The following GRIN2B variants were observed in gnomAD, a reference collection of about 807,000 sequenced individuals.
The protein encoded by GRIN2B is glutamate receptor ionotropic, NMDA 2B.
Under a neutral mutation model 114.5 loss-of-function variants are expected in GRIN2B, and 5 were observed. The ratio of observed to expected loss-of-function variants is 0.04; its 90% confidence interval spans 0.02 to 0.09. The LOEUF is 0.09. Among genes scored for constraint, GRIN2B ranks in the 10% least tolerant of loss-of-function variants. The pLI is 1.00. For synonymous variants in GRIN2B, 787 were observed against 745.1 expected (o/e 1.06, Z -0.92); for missense variants, 1,108 against 1,943.5 (o/e 0.57, Z 8.08).
intron 3 of GRIN2B, among the ~76,000 whole-genome samples, chr12:13,852,712 A>C (rs1865590739): frequency 6.6e-6 from 1 of 150,686 alleles, no homozygotes. Context: ...AAAAAAAAAC[A>C]GATCACAGAA....
chr12:13,579,837 G>T (rs1330311324), intron 10 of GRIN2B, among the ~76,000 whole-genome samples: 1 of 152,204 alleles, frequency 6.6e-6, no homozygotes, highest in Admixed American at 6.5e-5. Flanking sequence ...GACCACAGAG[G>T]TGCACGCCAT....
chr12:13,714,850 T>C (rs1950442047), intron 4 of GRIN2B, among the ~76,000 whole-genome samples: 1 of 151,916 alleles, frequency 6.6e-6, no homozygotes, highest in South Asian at 2.1e-4. Context: ...GAATAACATA[T>C]GTTGTCTCCA....
At chr12:13,588,165 A>C (rs1240274686) in intron 10 of GRIN2B, among the ~76,000 whole-genome samples, 1 of 152,186 alleles carries the variant, frequency 6.6e-6, no homozygotes, top group African/African-American at 2.4e-5. Flanking sequence ...TTGTCAATGG[A>C]TTACAGAGAA....
At chr12:13,905,261 G>A (rs913888397) in intron 2 of GRIN2B, among the ~76,000 whole-genome samples, 2 of 152,064 alleles carry the variant, frequency 1.3e-5, no homozygotes, top group Non-Finnish European at 2.9e-5. Flanking sequence ...CTGCCTTCTG[G>A]AAAATTCTTC....
intron 5 of GRIN2B, among the ~76,000 whole-genome samples, chr12:13,643,129 C>T (rs923739873): frequency 3.3e-5 from 5 of 152,132 alleles, no homozygotes; most frequent in Admixed American, 3.3e-4. Flanking sequence ...AAATAATTTT[C>T]TTTAGGAAAT....
chr12:13,919,175 C>T (rs570639072), intron 2 of GRIN2B, among the ~76,000 whole-genome samples: 10 of 152,284 alleles, frequency 6.6e-5, no homozygotes, highest in South Asian at 6.2e-4. Context: ...AATATGCACA[C>T]GGACCTAACC....
At position 13,753,344 on chromosome 12, in the gene GRIN2B, C is replaced by T; in HGVS notation, c.983G>A (p.Arg328Lys). ...ATTTAGCATATTGGACTGGTAGATT[C>T]TCTTCTCGTGGGTGTTGTAACAACT... The part of the protein sequence containing the change: ...KSSCYNTHEK[R>K]IYQSNMLNRY... The change falls in exon 4 of 14, where the codon AGA becomes AAA. Residue 328 changes from arginine (R) to lysine (K), a missense_variant. Physicochemically the swap from Arg to Lys is conservative, Grantham distance 26 (BLOSUM62 2). This residue lies in a region of GRIN2B where 199 missense variants were observed against 439.6 expected (regional missense o/e 0.45). Transcript: ENST00000609686. The surrounding 1 kb of genome is among the most constrained non-coding windows in gnomAD (Gnocchi z 6.2). The T allele has an allele frequency of 6.2e-7, 1 of 1,605,636 alleles. No individual in the cohort carries two copies. The highest frequency in any genetic ancestry group is 8.5e-7 in the Non-Finnish European group (1 of 1,172,240).
At chr12:13,982,117 T>G (rs1863153302), upstream of GRIN2B, among the ~76,000 whole-genome samples, 2 of 128,124 alleles carry the variant, frequency 1.6e-5, no homozygotes, top group Admixed American at 1.6e-4. Flanking sequence ...GCTGGGGAAG[T>G]GGGGTGGTAA....
intron 2 of GRIN2B, among the ~76,000 whole-genome samples, chr12:13,899,313 C>T (rs921950933): frequency 6.6e-6 from 1 of 151,620 alleles, no homozygotes; most frequent in South Asian, 2.1e-4. Flanking sequence ...GGAAAAACAG[C>T]CCTTAAAGAA....
chr12:13,774,387 A>G (rs1025772470), intron 3 of GRIN2B, among the ~76,000 whole-genome samples: 2 of 152,212 alleles, frequency 1.3e-5, no homozygotes, highest in African/African-American at 4.8e-5. Context: ...TTTTCCTAAT[A>G]CATGGAAACC....
At position 13,558,933 on chromosome 12, in the gene GRIN2B, A is replaced by C. The variant is rs866091588; in HGVS notation, c.*3850T>G. The C allele has an allele frequency of 4.1e-4, 62 of 152,200 alleles. No homozygotes were observed. Among genetic ancestry groups the C allele is most frequent in the African/African-American group, 1.5e-3 (62 of 41,444 alleles). 9.4% of individuals were successfully genotyped at this position (152,200 alleles called of 1,614,324 possible). A position where few individuals can be genotyped will look rare whatever the true frequency, so the allele number is the denominator to read the frequency against. On this transcript the variant is annotated 3_prime_UTR_variant, in exon 14 of 14. Coordinates refer to ENST00000609686, the MANE Select transcript of GRIN2B (RefSeq NM_000834.5). ...CTGAAAGGAGTTCATACAGGACCAC[A>C]CTCACCAACCACTTCTGCAATGGAA...
Position 13,786,701 on chromosome 12 carries a change from C to T in GRIN2B, c.412-32786G>A, listed in dbSNP as rs555547240. On this transcript the variant is annotated intron_variant, in intron 3 of 13. Transcript: ENST00000609686. ...AAAAAAAAAAGGAAAAGAAAAAATC[C>T]CTGATTGAATTGAAACCCAGGTGAA... Among the ~76,000 whole-genome samples the T allele has an allele frequency of 2.0e-5, 3 of 152,160 alleles. No homozygotes were observed. In the East Asian group the frequency reaches 5.8e-4, roughly 29 times the overall value.
chr12:13,755,204 A>G (rs1863555983), intron 3 of GRIN2B, among the ~76,000 whole-genome samples: 1 of 152,206 alleles, frequency 6.6e-6, no homozygotes, highest in African/African-American at 2.4e-5. Flanking sequence ...ACAAAATTAC[A>G]TAGTGGTTTC....
chr12:13,731,296 T>C (rs1252710599), intron 4 of GRIN2B, among the ~76,000 whole-genome samples: 1 of 152,106 alleles, frequency 6.6e-6, no homozygotes, highest in Non-Finnish European at 1.5e-5. Flanking sequence ...TTTCCACCAA[T>C]CTATCATCAT....
chr12:13,662,011 G>T (rs1164842971), intron 5 of GRIN2B, among the ~76,000 whole-genome samples: 1 of 152,166 alleles, frequency 6.6e-6, no homozygotes, highest in Non-Finnish European at 1.5e-5. Context: ...ACAAGGAAGT[G>T]AAGTAATTTC....
Position 13,546,182 on chromosome 12 carries a change from G to C in GRIN2B, c.*16601C>G, listed in dbSNP as rs1012892697. The C allele has an allele frequency of 6.6e-6, 1 of 152,108 alleles. No individual in the cohort carries two copies. Among genetic ancestry groups the C allele is most frequent in the African/African-American group, 2.4e-5 (1 of 41,410 alleles). The allele number at this position is 152,108 out of a possible 1,614,324, so 9.4% of individuals were successfully genotyped here. A position where few individuals can be genotyped will look rare whatever the true frequency, so the allele number is the denominator to read the frequency against. The stretch of plus-strand genomic sequence containing the variant: ...TATATTCAGTTCTCAGTGCCCCTTG[G>C]CTTCCCAATTTAAGTCAATGTAATC... On this transcript the variant is annotated 3_prime_UTR_variant, in exon 14 of 14. Coordinates refer to ENST00000609686, the MANE Select transcript of GRIN2B (RefSeq NM_000834.5).
intron 2 of GRIN2B, among the ~76,000 whole-genome samples, chr12:13,889,934 T>G (rs949197517): frequency 3.3e-5 from 5 of 152,206 alleles, no homozygotes; most frequent in African/African-American, 1.2e-4. Flanking sequence ...GCTCAGAGGA[T>G]TTCATCTTGC....
At chr12:13,744,605 G>A (rs1422390005) in intron 4 of GRIN2B, among the ~76,000 whole-genome samples, 1 of 152,166 alleles carries the variant, frequency 6.6e-6, no homozygotes, top group Non-Finnish European at 1.5e-5. Context: ...GGTGGGGTGT[G>A]GAGCAGTAAT....
intron 2 of GRIN2B, among the ~76,000 whole-genome samples, chr12:13,959,270 G>T (rs1417529930): frequency 6.6e-6 from 1 of 152,148 alleles, no homozygotes; most frequent in Non-Finnish European, 1.5e-5. Context: ...AGACAGACAG[G>T]GAGGAGTTCC....
Sources: allele counts gnomAD v4.1 joint callset (sites outside exome capture counted in the v4.1 genomes callset), GRCh38; gene constraint gnomAD v4.1.1; regional missense constraint gnomAD v4.1.1; non-coding constraint Gnocchi (gnomAD v3.1); transcripts MANE v1.5; gene names NCBI Gene and HGNC (gene_info 2026-07-23, HGNC 2026-07-21).